The following ESR1 variants were observed in gnomAD, a reference collection of about 807,000 sequenced individuals.
The protein encoded by ESR1 is estrogen receptor 1.
ESR1 carries 12 observed loss-of-function variants against 52.7 expected under a neutral mutation model. The ratio of observed to expected loss-of-function variants is 0.23; its 90% CI spans 0.15 to 0.37. ESR1 has a LOEUF of 0.37. Ranked by LOEUF, ESR1 falls within the 10% of genes least tolerant of loss-of-function variation. The pLI is 1.00. For synonymous variants in ESR1, 305 were observed against 316.8 expected, an observed-to-expected ratio of 0.96 and a Z score of 0.39; for missense variants, 584 against 779.7, an observed-to-expected ratio of 0.75 and a Z score of 2.99.
chr6:151,846,193 C>T (rs76465761), intron 2 of ESR1, among the ~76,000 whole-genome samples: 5,445 of 152,094 alleles, frequency 0.036, 163 homozygotes, highest in East Asian at 0.16. Flanking sequence ...AGGCAGAGCG[C>T]GGGGAATTCT....
intron 5 of ESR1, among the ~76,000 whole-genome samples, chr6:152,047,536 G>A (rs961667712): frequency 1.3e-5 from 2 of 152,074 alleles, no homozygotes; most frequent in Non-Finnish European, 2.9e-5. Flanking sequence ...TTGGTTTTGT[G>A]TGCACAAGAG....
rs181985677 is a variant in ESR1 at position 151,865,542 on chromosome 6, A to G, written c.644-15113A>G. On this transcript the variant is annotated intron_variant, in intron 2 of 7. Coordinates refer to ENST00000206249, the MANE Select transcript of ESR1 (RefSeq NM_000125.4). ...AAACAGGCCCATATTCCTGCAATTTAGTGCAGCTGCTACAACATTTAGGTA... is the reference window on the plus strand; with the variant it reads ...AAACAGGCCCATATTCCTGCAATTTGGTGCAGCTGCTACAACATTTAGGTA... Among the ~76,000 whole-genome samples the G allele has an allele frequency of 2.0e-5, 3 of 152,352 alleles. No homozygotes were observed. The East Asian group carries it at 5.8e-4, about 29-fold the overall frequency.
chr6:151,898,854 C>G (rs1795993223), intron 3 of ESR1, among the ~76,000 whole-genome samples: 1 of 152,220 alleles, frequency 6.6e-6, no homozygotes, highest in African/African-American at 2.4e-5. Flanking sequence ...CCACCTTTCC[C>G]CCCTTTCTAT....
At chr6:151,964,605 T>A (rs1027883545) in intron 4 of ESR1, among the ~76,000 whole-genome samples, 5 of 151,916 alleles carry the variant, frequency 3.3e-5, no homozygotes, top group Non-Finnish European at 7.4e-5. Context: ...TATGATGATG[T>A]CATCAGCAAA....
At chr6:152,092,007 G>C (rs1444480494) in intron 6 of ESR1, among the ~76,000 whole-genome samples, 2 of 152,142 alleles carry the variant, frequency 1.3e-5, no homozygotes, top group African/African-American at 4.8e-5. Flanking sequence ...GGCTGCACTG[G>C]GTATGATGAC....
At chr6:151,800,952 G>A (rs1044010253), upstream of ESR1, among the ~76,000 whole-genome samples, 1 of 152,046 alleles carries the variant, frequency 6.6e-6, no homozygotes. Context: ...CTGAAAGGCT[G>A]AAAATGCTAA....
intron 2 of ESR1, among the ~76,000 whole-genome samples, chr6:151,746,809 G>A (rs2128068428): frequency 6.6e-6 from 1 of 152,358 alleles, no homozygotes; most frequent in Admixed American, 6.5e-5. Flanking sequence ...TCAAGTGTTT[G>A]GCACCAATCC....
intron 4 of ESR1, among the ~76,000 whole-genome samples, chr6:151,993,078 T>A (rs2041171172): frequency 1.3e-5 from 2 of 152,130 alleles, no homozygotes; most frequent in East Asian, 3.9e-4. Context: ...AGCAAAAGGA[T>A]CTTTTTCTGT....
At position 151,669,291 on chromosome 6, in the gene ESR1, G is replaced by A. The variant is rs182087911; in HGVS notation, n.73+12528G>A. 2.4e-3 allele frequency among the ~76,000 whole-genome samples: 362 copies of A among 151,098 alleles called. 4 individuals carry two copies. The highest frequency in any genetic ancestry group is 6.5e-3 in the African/African-American group (268 of 41,134). On this transcript the variant is annotated intron_variant and non_coding_transcript_variant, in intron 1 of 2. Coordinates refer to the ESR1 transcript ENST00000473497. ...AAGGGGGTAGTGTTGGGGGAGTGGG[G>A]AGAGGGGTTAAATGTGAGCTTCTGA...
chr6:152,077,442 G>A (rs1044081056), intron 6 of ESR1, among the ~76,000 whole-genome samples: 6 of 152,324 alleles, frequency 3.9e-5, no homozygotes, highest in Admixed American at 1.3e-4. Flanking sequence ...CCCCCACACA[G>A]AGTCCCCACT....
At chr6:151,752,276 C>T (rs1783955813) in intron 2 of ESR1, among the ~76,000 whole-genome samples, 2 of 152,116 alleles carry the variant, frequency 1.3e-5, no homozygotes, top group South Asian at 4.1e-4. Flanking sequence ...AAATCTTACT[C>T]ATACTCTGAG....
intron 1 of ESR1, among the ~76,000 whole-genome samples, chr6:151,816,608 C>T (rs1779691368): frequency 6.6e-6 from 1 of 152,160 alleles, no homozygotes; most frequent in Non-Finnish European, 1.5e-5. Context: ...ATTTTGCCTT[C>T]AAGTGACTAA....
rs556588370 is a variant in ESR1, at chr6:151,985,540, CAAAA to C, written c.1097-26107_1097-26104del. Among the ~76,000 whole-genome samples, 3 of 81,110 alleles carry C rather than the reference CAAAA, an allele frequency of 3.7e-5. No individual in the cohort carries two copies. The South Asian group carries it at 1.2e-3, about 34-fold the overall frequency. The allele number at this position is 81,110 out of a possible 152,430, so 53.2% of individuals were successfully genotyped here. On this transcript the variant is annotated intron_variant, in intron 4 of 7. Transcript: ENST00000206249. Reference sequence around the variant, plus strand: ...AAAAAAAAAAAAAAAAAAACACAAACAAAAAAAAAAAAGAAAAAGAAAATAAACC... The same window carrying C: ...AAAAAAAAAAAAAAAAAAACACAAACAAAAAAAAGAAAAAGAAAATAAACC...
chr6:151,944,222 G>C lies in ESR1; in HGVS notation c.810G>C (p.Gln270His), dbSNP rs1474658933. The part of the protein sequence containing the change: ...RGGRMLKHKR[Q>H]RDDGEGRGEV... Reference sequence around the variant, plus strand: ...GGAGAATGTTGAAACACAAGCGCCAGAGAGATGATGGGGAGGGCAGGGGTG... The same window carrying C: ...GGAGAATGTTGAAACACAAGCGCCACAGAGATGATGGGGAGGGCAGGGGTG... The change falls in exon 4 of 8, where the codon CAG (glutamine) becomes CAC (histidine). Residue 270 changes from glutamine to histidine, a missense_variant. By Grantham distance (24) the Gln-to-His change is conservative. This residue lies in a region of ESR1 where 88 missense variants were observed against 88.3 expected (regional missense o/e 1.00). Transcript: ENST00000206249. The C allele has an allele frequency of 6.2e-7, 1 of 1,614,166 alleles. No individual in the cohort carries two copies. The highest frequency in any genetic ancestry group is 2.2e-5 in the East Asian group (1 of 44,884).
intron 2 of ESR1, among the ~76,000 whole-genome samples, chr6:151,770,675 G>C (rs1785438296): frequency 6.6e-6 from 1 of 151,942 alleles, no homozygotes; most frequent in Admixed American, 6.6e-5. Context: ...TAGAATTTTA[G>C]GCAAAAAGTG....
intron 2 of ESR1, among the ~76,000 whole-genome samples, chr6:151,790,393 C>T (rs565789282): frequency 8.5e-4 from 130 of 152,332 alleles, no homozygotes; most frequent in Non-Finnish European, 1.1e-3. Context: ...TGAATCAATA[C>T]TTCCAAGGGT....
chr6:151,695,991 G>A (rs887701085), intron 1 of ESR1, among the ~76,000 whole-genome samples: 2 of 152,094 alleles, frequency 1.3e-5, no homozygotes, highest in African/African-American at 4.8e-5. Context: ...AATCGTACCT[G>A]CATCAAGTTT....
chr6:151,842,483 A>T, intron 1 of ESR1, 114 bp from the exon 2 acceptor site: 1 of 959,628 alleles, frequency 1.0e-6, no homozygotes, highest in African/African-American at 1.6e-5. Context: ...AGATTAGCTT[A>T]CATTATGATT....
intron 2 of ESR1, among the ~76,000 whole-genome samples, chr6:151,775,507 G>A (rs531318042): frequency 6.6e-6 from 1 of 152,174 alleles, no homozygotes; most frequent in East Asian, 1.9e-4. Flanking sequence ...CAGCACTTTG[G>A]GAAGCCGAAG....
Sources: allele counts gnomAD v4.1 joint callset (sites outside exome capture counted in the v4.1 genomes callset), GRCh38; gene constraint gnomAD v4.1.1; regional missense constraint gnomAD v4.1.1; transcripts MANE v1.5; gene names NCBI Gene and HGNC (gene_info 2026-07-23, HGNC 2026-07-21).